The following CDH13 variants were observed in gnomAD, a reference collection of about 807,000 sequenced individuals.
The protein encoded by CDH13 is cadherin 13, also known as cadherin-13.
In CDH13, 24 loss-of-function variants were observed where a neutral mutation model predicts 63.8. The observed-to-expected ratio is 0.38, with a 90% CI of 0.27 to 0.53. CDH13 has a LOEUF of 0.53. Ranked by LOEUF, CDH13 falls within the 20% of genes least tolerant of loss-of-function variation. The probability of loss-of-function intolerance (pLI) is 0.85; values close to 1 mark genes in which losing one functional copy is unlikely to be tolerated. For missense variants in CDH13, 1,049 were observed against 903.1 expected (o/e 1.16, Z -2.07); for synonymous variants, 503 against 355.3 (o/e 1.42, Z -4.67).
chr16:82,700,855 T>C (rs754180543), intron 1 of CDH13, among the ~76,000 whole-genome samples: 11 of 150,582 alleles, frequency 7.3e-5, no homozygotes, highest in Non-Finnish European at 1.5e-4. Flanking sequence ...ATGATTACTA[T>C]TCAGAACACT....
At chr16:83,324,290 C>T (rs533152667) in intron 5 of CDH13, among the ~76,000 whole-genome samples, 2 of 152,272 alleles carry the variant, frequency 1.3e-5, no homozygotes, top group African/African-American at 4.8e-5. Context: ...CCGCCTCGGC[C>T]TTGCAAAGTG....
At chr16:82,749,151 C>G (rs1000077) in intron 1 of CDH13, among the ~76,000 whole-genome samples, 81,760 of 151,380 alleles carry the variant, frequency 0.54, 22,141 homozygotes, top group East Asian at 0.64. Context: ...CCAAGAAATG[C>G]AGAGAGAAAG....
intron 1 of CDH13, among the ~76,000 whole-genome samples, chr16:82,855,550 A>G (rs912289191): frequency 3.3e-5 from 5 of 152,200 alleles, no homozygotes; most frequent in Non-Finnish European, 7.3e-5. Context: ...TTCTGTTTGC[A>G]AAATTGCCAG....
intron 6 of CDH13, among the ~76,000 whole-genome samples, chr16:83,401,666 A>G (rs1404692250): frequency 6.6e-6 from 1 of 152,136 alleles, no homozygotes; most frequent in Non-Finnish European, 1.5e-5. Flanking sequence ...GGACAAAAAA[A>G]AGAGAAAAAA....
At chr16:83,618,048 A>T (rs774989589) in intron 8 of CDH13, among the ~76,000 whole-genome samples, 7 of 152,216 alleles carry the variant, frequency 4.6e-5, no homozygotes, top group Non-Finnish European at 4.4e-5. Flanking sequence ...CGTGTAGTGC[A>T]TGATCAAATA....
chr16:82,836,816 T>C (rs184169685), intron 1 of CDH13, among the ~76,000 whole-genome samples: 30 of 152,364 alleles, frequency 2.0e-4, no homozygotes, highest in Admixed American at 1.9e-3. Context: ...CATTCTAATC[T>C]GCATTTTCAT....
At chr16:82,691,769 A>G (rs986612368) in intron 1 of CDH13, among the ~76,000 whole-genome samples, 2 of 152,266 alleles carry the variant, frequency 1.3e-5, no homozygotes, top group East Asian at 1.9e-4. Context: ...TCTCCCCTCA[A>G]TATTCTGACA....
intron 1 of CDH13, among the ~76,000 whole-genome samples, chr16:82,747,853 T>C (rs1424942279): frequency 6.6e-6 from 1 of 152,184 alleles, no homozygotes; most frequent in East Asian, 1.9e-4. Context: ...TTCACTTGCA[T>C]TTTCCCCACA....
At chr16:83,671,040 G>A in intron 9 of CDH13, 68 bp downstream of exon 9, 1 of 1,343,870 alleles carries the variant, frequency 7.4e-7, no homozygotes, top group Admixed American at 2.3e-5. Flanking sequence ...GCAGCTCATA[G>A]AATCATTGAG....
At chr16:82,685,398 C>G (rs1271922891) in intron 1 of CDH13, among the ~76,000 whole-genome samples, 4 of 152,156 alleles carry the variant, frequency 2.6e-5, no homozygotes, top group African/African-American at 7.2e-5. Flanking sequence ...TTCATAATGG[C>G]TCATCCTCAT....
At chr16:83,434,521 C>A (rs1418739000) in intron 6 of CDH13, among the ~76,000 whole-genome samples, 2 of 152,004 alleles carry the variant, frequency 1.3e-5, no homozygotes, top group Non-Finnish European at 2.9e-5. Context: ...TGATTCAAGT[C>A]CACATGCTGA....
At chr16:83,015,162 G>C (rs565473065) in intron 2 of CDH13, among the ~76,000 whole-genome samples, 42 of 152,012 alleles carry the variant, frequency 2.8e-4, no homozygotes, top group African/African-American at 9.9e-4. Context: ...GCTAATCGGG[G>C]AAGTCAGGGC....
At chr16:83,306,917 A>G (rs2089893911) in intron 5 of CDH13, among the ~76,000 whole-genome samples, 1 of 152,212 alleles carries the variant, frequency 6.6e-6, no homozygotes, top group Non-Finnish European at 1.5e-5. Context: ...ACCTATCCGT[A>G]AAGTTGTGGA....
At chr16:83,613,896 A>G (rs995254343) in intron 8 of CDH13, among the ~76,000 whole-genome samples, 5 of 152,082 alleles carry the variant, frequency 3.3e-5, no homozygotes, top group Non-Finnish European at 7.4e-5. Flanking sequence ...TGTAATTTCA[A>G]ATTCTTTTTT....
intron 3 of CDH13, among the ~76,000 whole-genome samples, chr16:83,044,568 A>C (rs1917607730): frequency 6.6e-6 from 1 of 152,212 alleles, no homozygotes. Context: ...GATCTCATTC[A>C]TCTTCATAGT....
chr16:83,167,611 C>G (rs377749024), intron 4 of CDH13, among the ~76,000 whole-genome samples: 4 of 150,946 alleles, frequency 2.6e-5, no homozygotes, highest in African/African-American at 9.7e-5. Context: ...TTTCTATGTT[C>G]CACGTTATCA....
chr16:82,634,482 A>T (rs1160743493), intron 1 of CDH13, among the ~76,000 whole-genome samples: 2 of 152,208 alleles, frequency 1.3e-5, no homozygotes, highest in Non-Finnish European at 2.9e-5. Context: ...AACTGCCATC[A>T]GCCGTCGGGC....
intron 1 of CDH13, among the ~76,000 whole-genome samples, chr16:82,694,168 A>C (rs1013554083): frequency 1.3e-5 from 2 of 152,260 alleles, no homozygotes; most frequent in African/African-American, 4.8e-5. Context: ...ATTTATGCAG[A>C]AAAGTTTATG....
intron 5 of CDH13, among the ~76,000 whole-genome samples, chr16:83,284,246 A>G (rs1307498194): frequency 6.6e-6 from 1 of 152,228 alleles, no homozygotes; most frequent in Non-Finnish European, 1.5e-5. Flanking sequence ...CTGAGCAAAG[A>G]GACCACTCAG....
Sources: gnomAD v4.1 joint callset for allele counts (sites outside exome capture counted in the v4.1 genomes callset) on GRCh38, gnomAD v4.1.1 for gene constraint, MANE v1.5 for transcripts, NCBI Gene and HGNC (gene_info 2026-07-23, HGNC 2026-07-21) for gene names.